Variants in WNK2 observed in about 807,000 individuals in gnomAD.
The protein encoded by WNK2 is serine/threonine-protein kinase WNK2.
Under a neutral mutation model 192.1 loss-of-function variants are expected in WNK2, and 67 were observed. The observed-to-expected ratio is 0.35, with a 90% CI of 0.29 to 0.43. The LOEUF (loss-of-function observed/expected upper bound fraction) is 0.43, where lower values mean the gene tolerates loss of function less well. Among genes scored for constraint, WNK2 ranks in the 20% least tolerant of loss-of-function variants. The pLI is 1.00. For synonymous variants in WNK2, 1,439 were observed against 1,393.9 expected (o/e 1.03, Z -0.72); for missense variants, 2,698 against 3,089.7 (o/e 0.87, Z 3.01).
chr9:93,198,832 C>T (rs2131189267), intron 2 of WNK2, among the ~76,000 whole-genome samples: 1 of 152,354 alleles, frequency 6.6e-6, no homozygotes, highest in Non-Finnish European at 1.5e-5. Context: ...CTTTTCCAGC[C>T]CTGCCCTCTT....
intron 2 of WNK2, among the ~76,000 whole-genome samples, chr9:93,221,727 C>T (rs545347000): frequency 1.3e-5 from 2 of 152,246 alleles, no homozygotes; most frequent in East Asian, 1.9e-4. Flanking sequence ...AGCTAGATTC[C>T]GATAGGAATG....
At position 93,247,765 on chromosome 9, in the gene WNK2, C is replaced by A; in HGVS notation, c.1765C>A (p.Pro589Thr). 6.4e-7 allele frequency: 1 copy of A among 1,551,574 alleles called. No individual in the cohort carries two copies. Among genetic ancestry groups the A allele is most frequent in the Non-Finnish European group, 8.7e-7 (1 of 1,149,270 alleles). ...GGCTGGGCAGCCCGGGCCACCAGAGCCCGAGGAGCCGGAGGCCGACCAGCA... is the reference window on the plus strand; with the variant it reads ...GGCTGGGCAGCCCGGGCCACCAGAGACCGAGGAGCCGGAGGCCGACCAGCA... ...AQAGQPGPPE[P>T]EEPEADQHLL... Residue 589 changes from proline (P) to threonine (T), a missense_variant, in exon 8 of 30, where the codon CCC becomes ACC. Physicochemically the swap from Pro to Thr is conservative, Grantham distance 38. Transcript: ENST00000427277. The surrounding 1 kb of genome is among the most constrained non-coding windows in gnomAD (Gnocchi z 5.2).
chr9:93,297,784 C>T (rs1850857666), intron 23 of WNK2, 69 bp from the exon 24 acceptor site: 1 of 1,475,718 alleles, frequency 6.8e-7, no homozygotes, highest in South Asian at 1.2e-5. Flanking sequence ...CACCTCCCTC[C>T]TGGAGGAGCT....
At chr9:93,299,014 C>T (rs190650921) in intron 24 of WNK2, 56 bp from the exon 25 acceptor site, 59 of 1,531,246 alleles carry the variant, frequency 3.9e-5, no homozygotes, top group East Asian at 3.3e-4. Context: ...TCAATCCACA[C>T]GGCCCCGACC....
intron 2 of WNK2, among the ~76,000 whole-genome samples, chr9:93,215,640 A>C (rs1835612325): frequency 6.6e-6 from 1 of 152,004 alleles, no homozygotes; most frequent in Non-Finnish European, 1.5e-5. Context: ...GTTTAATTTT[A>C]CTTTTTAGTT....
At chr9:93,263,449 AG>A in intron 14 of WNK2, 116 bp from the exon 15 acceptor site, 1 of 1,318,732 alleles carries the variant, frequency 7.6e-7, no homozygotes, top group East Asian at 2.5e-5. Context: ...CTGCCTCTGT[AG>A]GTCACAGATT....
intron 4 of WNK2, among the ~76,000 whole-genome samples, chr9:93,233,645 T>C (rs1839284134): frequency 7.2e-6 from 1 of 138,922 alleles, no homozygotes; most frequent in Non-Finnish European, 1.5e-5. Context: ...GAGGTTGCAG[T>C]GAGCCAAGAT....
At chr9:93,207,332 C>T (rs1171543487) in intron 2 of WNK2, among the ~76,000 whole-genome samples, 1 of 152,116 alleles carries the variant, frequency 6.6e-6, no homozygotes, top group Non-Finnish European at 1.5e-5. Flanking sequence ...TTTGACCTGC[C>T]CCAGATCTCT....
Position 93,230,996 on chromosome 9 carries a change from C to T in WNK2, c.963C>T (p.His321=), listed in dbSNP as rs1353266565. 6.2e-7 allele frequency: 1 copy of T among 1,614,024 alleles called. No individual in the cohort carries two copies. The highest frequency in any genetic ancestry group is 8.5e-7 in the Non-Finnish European group (1 of 1,179,898). Residue 321 remains histidine (H), a synonymous_variant, in exon 4 of 30, where the codon CAC becomes CAT. Coordinates refer to ENST00000427277, the MANE Select transcript of WNK2 (RefSeq NM_006648.4). Reference sequence around the variant, plus strand: ...ACACAAGGACGCCACCCATCATCCACCGAGACCTGAAATGTGACAATATTT... The same window carrying T: ...ACACAAGGACGCCACCCATCATCCATCGAGACCTGAAATGTGACAATATTT... ...FLHTRTPPII[H]RDLKCDNIFI... is the part of the protein sequence containing the mutation.
At position 93,245,825 on chromosome 9, in the gene WNK2, C is replaced by T. The variant is rs1319592957; in HGVS notation, c.1543-1718C>T. On this transcript the variant is annotated intron_variant, in intron 7 of 29. Transcript: ENST00000427277. ...AGGTCAGGGATCAGGTGCCTTGGCT[C>T]AGGGCCCTAGTGAGATGGGATCAGG... Among the ~76,000 whole-genome samples the T allele has an allele frequency of 2.0e-5, 3 of 152,166 alleles. No individual in the cohort carries two copies. The South Asian group carries it at 6.2e-4, about 32-fold the overall frequency.
chr9:93,193,967 A>G (rs568702994), intron 2 of WNK2, among the ~76,000 whole-genome samples: 1 of 152,372 alleles, frequency 6.6e-6, no homozygotes, highest in South Asian at 2.1e-4. Context: ...AATAAAGTCA[A>G]CTGATCTCTG....
chr9:93,230,860 G>GT, intron 3 of WNK2, 28 bp from the exon 4 acceptor site: 3 of 1,601,756 alleles, frequency 1.9e-6, no homozygotes, highest in Admixed American at 1.7e-5. Context: ...CGAGCTGCTT[G>GT]GTGAGCTGTG....
chr9:93,189,992 C>G (rs1055603670), intron 2 of WNK2, among the ~76,000 whole-genome samples: 2 of 152,196 alleles, frequency 1.3e-5, no homozygotes, highest in African/African-American at 4.8e-5. Flanking sequence ...AGGCTTGACC[C>G]GATTTGGCTG....
At chr9:93,194,468 A>T (rs1021070613) in intron 2 of WNK2, among the ~76,000 whole-genome samples, 2 of 152,258 alleles carry the variant, frequency 1.3e-5, no homozygotes, top group African/African-American at 4.8e-5. Context: ...GATGTTGCCC[A>T]TCGTAAGTCA....
chr9:93,298,650 CT>C (rs1480464271), intron 24 of WNK2, among the ~76,000 whole-genome samples: 1 of 152,192 alleles, frequency 6.6e-6, no homozygotes, highest in Non-Finnish European at 1.5e-5. Flanking sequence ...GATGGAGCCC[CT>C]GTGAGCCCAA....
chr9:93,234,870 T>C lies in WNK2; in HGVS notation c.1138T>C (p.Tyr380His). Residue 380 changes from tyrosine (Y) to histidine (H), a missense_variant, in exon 5 of 30, where the codon TAT becomes CAT. Tyr to His is a moderately conservative substitution (Grantham distance 83, BLOSUM62 2). This residue lies in a region of WNK2 where 230 missense variants were observed against 501.1 expected (regional missense o/e 0.46). Coordinates refer to ENST00000427277, the MANE Select transcript of WNK2 (RefSeq NM_006648.4). The part of the protein sequence containing the change: ...EEHYDESVDV[Y>H]AFGMCMLEMA... ...GCACTACGATGAGTCCGTGGACGTC[T>C]ATGCCTTTGGGATGTGCATGCTGGA... is the stretch of plus-strand genomic sequence containing the variant. The C allele has an allele frequency of 6.2e-7, 1 of 1,614,234 alleles. No individual in the cohort carries two copies. The highest frequency in any genetic ancestry group is 8.5e-7 in the Non-Finnish European group (1 of 1,180,026).
chr9:93,268,562 G>T, intron 18 of WNK2, 65 bp from the exon 19 acceptor site: 1 of 1,560,066 alleles, frequency 6.4e-7, no homozygotes, highest in Non-Finnish European at 8.7e-7. Context: ...TGCAGGTGAT[G>T]GGGGTCACAC....
rs141292063 is a variant in WNK2, at chr9:93,185,196, C to T, written c.267C>T (p.Ala89=). The stretch of plus-strand genomic sequence containing the variant: ...CGCGCCGCCTCATCGCGGAGCGCGC[C>T]CGCGGACGCCCCGCCGCCCCCGCGC... ...CKTRRLIAER[A]RGRPAAPAPA... is the part of the protein sequence containing the mutation. The change falls in exon 2 of 30, where the codon GCC becomes GCT. Residue 89 remains alanine (A), a synonymous_variant. Coordinates refer to ENST00000427277, the MANE Select transcript of WNK2 (RefSeq NM_006648.4). The T allele has an allele frequency of 0.15, 177,017 of 1,164,258 alleles. 14,371 individuals carry two copies. Among genetic ancestry groups the T allele is most frequent in the African/African-American group, 0.29 (17,709 of 61,316 alleles). The allele number at this position is 1,164,258 out of a possible 1,614,324, so 72.1% of individuals were successfully genotyped here.
At chr9:93,230,776 G>A (rs1340327194) in intron 3 of WNK2, 112 bp from the exon 4 acceptor site, 15 of 960,222 alleles carry the variant, frequency 1.6e-5, no homozygotes, top group Non-Finnish European at 2.0e-5. Flanking sequence ...GGTATGTGCC[G>A]TGTGCACGGG....
Sources: gnomAD v4.1 joint callset for allele counts (sites outside exome capture counted in the v4.1 genomes callset) on GRCh38, gnomAD v4.1.1 for gene constraint, gnomAD v4.1.1 regional missense constraint, Gnocchi (gnomAD v3.1) non-coding constraint, MANE v1.5 for transcripts, NCBI Gene and HGNC (gene_info 2026-07-23, HGNC 2026-07-21) for gene names.